Variants in SLC24A2 observed in about 807,000 individuals in gnomAD.
SLC24A2 encodes solute carrier family 24 member 2.
A neutral mutation model predicts 62.0 loss-of-function variants in SLC24A2; 36 were observed. The ratio of observed to expected loss-of-function variants is 0.58; its 90% CI spans 0.44 to 0.77. The LOEUF (loss-of-function observed/expected upper bound fraction) is 0.77, where lower values mean the gene tolerates loss of function less well. SLC24A2 is among the 30% of genes least tolerant of loss of function. The pLI is 0.00. For synonymous variants in SLC24A2, 358 were observed against 294.0 expected (o/e 1.22, Z -2.23); for missense variants, 846 against 817.9 (o/e 1.03, Z -0.42).
At chr9:19,520,869 C>G (rs777780486) in intron 10 of SLC24A2, 25 bp downstream of exon 10, 5 of 1,611,986 alleles carry the variant, frequency 3.1e-6, no homozygotes, top group Non-Finnish European at 4.2e-6. Context: ...CTGGTGCACA[C>G]CTTTGTAGAA....
At chr9:20,099,767 T>G in the SLC24A2 span, among the ~76,000 whole-genome samples, 2 of 152,144 alleles carry the variant, frequency 1.3e-5, no homozygotes, top group Non-Finnish European at 2.9e-5. Flanking sequence ...TTCTATAACT[T>G]GTTCCATTTT....
chr9:20,196,648 C>T, the SLC24A2 span, among the ~76,000 whole-genome samples: 1 of 152,172 alleles, frequency 6.6e-6, no homozygotes, highest in Non-Finnish European at 1.5e-5. Flanking sequence ...TAATACACCA[C>T]TTTAGTTTAT....
At chr9:19,723,510 T>G (rs1564064046) in intron 2 of SLC24A2, among the ~76,000 whole-genome samples, 1 of 152,194 alleles carries the variant, frequency 6.6e-6, no homozygotes, top group Non-Finnish European at 1.5e-5. Context: ...AGCCATAAGC[T>G]GTGTCTTTCA....
chr9:19,546,290 A>T (rs1276782394), intron 8 of SLC24A2, among the ~76,000 whole-genome samples: 2 of 152,206 alleles, frequency 1.3e-5, no homozygotes, highest in Non-Finnish European at 2.9e-5. Flanking sequence ...CTGCACCTAC[A>T]ACCGCCCCTT....
At chr9:20,066,850 G>A in the SLC24A2 span, among the ~76,000 whole-genome samples, 2 of 152,294 alleles carry the variant, frequency 1.3e-5, no homozygotes, top group East Asian at 1.9e-4. Context: ...CTTATTAAAA[G>A]CAACAGGTAA....
At chr9:19,619,550 CA>C (rs1817857615) in intron 4 of SLC24A2, 33 bp downstream of exon 4, 2 of 1,531,696 alleles carry the variant, frequency 1.3e-6, no homozygotes, top group Admixed American at 3.3e-5. Flanking sequence ...CTTTTCCCCC[CA>C]AACAAGTTCC....
chr9:20,302,960 C>T, the SLC24A2 span, among the ~76,000 whole-genome samples: 1 of 152,120 alleles, frequency 6.6e-6, no homozygotes. Context: ...TGGATAAATT[C>T]CTAAAAGAGA....
At chr9:19,846,444 G>A in the SLC24A2 span, among the ~76,000 whole-genome samples, 26 of 152,220 alleles carry the variant, frequency 1.7e-4, no homozygotes, top group South Asian at 4.4e-3. Flanking sequence ...TTGCAAGATA[G>A]ACTTTCCTCC....
At chr9:19,595,252 T>A (rs1348638769) in intron 5 of SLC24A2, among the ~76,000 whole-genome samples, 3 of 152,250 alleles carry the variant, frequency 2.0e-5, no homozygotes, top group African/African-American at 4.8e-5. Context: ...CTCCCACTTA[T>A]TTATGGAATC....
At chr9:20,020,392 T>TA in the SLC24A2 span, among the ~76,000 whole-genome samples, 1 of 152,122 alleles carries the variant, frequency 6.6e-6, no homozygotes, top group Admixed American at 6.5e-5. Flanking sequence ...TATGCAGCCC[T>TA]AAAAAAGGAT....
At chr9:19,562,564 G>T (rs1835454942) in intron 7 of SLC24A2, among the ~76,000 whole-genome samples, 1 of 152,094 alleles carries the variant, frequency 6.6e-6, no homozygotes, top group South Asian at 2.1e-4. Context: ...TGCATCTTAA[G>T]CAGTTGGTAA....
At chr9:19,916,800 G>T in the SLC24A2 span, among the ~76,000 whole-genome samples, 1 of 151,728 alleles carries the variant, frequency 6.6e-6, no homozygotes, top group Non-Finnish European at 1.5e-5. Context: ...TAATAAACTT[G>T]CTTATATGTC....
intron 5 of SLC24A2, among the ~76,000 whole-genome samples, chr9:19,579,457 G>A (rs1030894062): frequency 6.6e-6 from 1 of 152,158 alleles, no homozygotes; most frequent in East Asian, 1.9e-4. Flanking sequence ...AAATCATCTG[G>A]TTTTCCACCC....
chr9:19,602,040 A>G (rs1587018305), intron 4 of SLC24A2, among the ~76,000 whole-genome samples: 1 of 152,232 alleles, frequency 6.6e-6, no homozygotes, highest in East Asian at 1.9e-4. Flanking sequence ...AGACCTTATC[A>G]TTATAATGCA....
chr9:20,209,381 T>C, the SLC24A2 span, among the ~76,000 whole-genome samples: 5 of 152,218 alleles, frequency 3.3e-5, no homozygotes, highest in Non-Finnish European at 7.3e-5. Context: ...TGGTTTTTTA[T>C]TTCCCTTCCT....
At chr9:20,139,639 G>T in the SLC24A2 span, among the ~76,000 whole-genome samples, 8 of 152,086 alleles carry the variant, frequency 5.3e-5, no homozygotes, top group African/African-American at 1.9e-4. Context: ...CTGTGTGCTG[G>T]GGTATTATTT....
the SLC24A2 span, among the ~76,000 whole-genome samples, chr9:20,083,767 G>A: frequency 6.6e-6 from 1 of 152,150 alleles, no homozygotes; most frequent in Non-Finnish European, 1.5e-5. Flanking sequence ...TCATTTAGAA[G>A]CCTCTCTGCC....
At chr9:20,214,911 A>T in the SLC24A2 span, among the ~76,000 whole-genome samples, 1 of 152,126 alleles carries the variant, frequency 6.6e-6, no homozygotes, top group South Asian at 2.1e-4. Context: ...ATTACCGTAC[A>T]GTCTCACTTA....
the SLC24A2 span, among the ~76,000 whole-genome samples, chr9:20,138,701 G>A: frequency 6.6e-6 from 1 of 152,080 alleles, no homozygotes; most frequent in Non-Finnish European, 1.5e-5. Context: ...TATTTTCTCA[G>A]GGAACTAAGG....
Sources: allele counts gnomAD v4.1 joint callset (sites outside exome capture counted in the v4.1 genomes callset), GRCh38; gene constraint gnomAD v4.1.1; transcripts MANE v1.5; gene names NCBI Gene and HGNC (gene_info 2026-07-23, HGNC 2026-07-21).